Variants in FILIP1L observed in about 807,000 individuals in gnomAD.
The protein encoded by FILIP1L is filamin A-interacting protein 1-like.
Under a neutral mutation model 96.6 loss-of-function variants are expected in FILIP1L, and 55 were observed. The ratio of observed to expected loss-of-function variants is 0.57; its 90% confidence interval spans 0.46 to 0.71. The LOEUF (loss-of-function observed/expected upper bound fraction) is 0.71, where lower values mean the gene tolerates loss of function less well. Among genes scored for constraint, FILIP1L ranks in the 30% least tolerant of loss-of-function variants. FILIP1L has a pLI of 0.00. For synonymous variants in FILIP1L, 467 were observed against 473.9 expected (o/e 0.99, Z 0.19); for missense variants, 1,304 against 1,321.2 (o/e 0.99, Z 0.20).
intron 1 of FILIP1L, among the ~76,000 whole-genome samples, chr3:100,113,793 T>G (rs1437664832): frequency 2.6e-5 from 4 of 152,234 alleles, no homozygotes; most frequent in African/African-American, 9.6e-5. Context: ...ATTTAAAGTT[T>G]CATTTTGGTT....
chr3:100,010,538 A>G (rs930472780), intron 1 of FILIP1L, among the ~76,000 whole-genome samples: 1 of 152,046 alleles, frequency 6.6e-6, no homozygotes, highest in Non-Finnish European at 1.5e-5. Context: ...GTATTTGGTG[A>G]CAATCTGGCA....
chr3:99,863,375 C>CAG (rs1944355852), intron 4 of FILIP1L, among the ~76,000 whole-genome samples: 1 of 152,110 alleles, frequency 6.6e-6, no homozygotes. Flanking sequence ...GGTCTTCGGC[C>CAG]CTGGGGTTGG....
chr3:99,995,355 G>T (rs1156269788), intron 1 of FILIP1L, among the ~76,000 whole-genome samples: 1 of 152,160 alleles, frequency 6.6e-6, no homozygotes, highest in Admixed American at 6.5e-5. Context: ...TAAGAGGTGG[G>T]TTCCCATGGT....
chr3:100,104,825 G>T (rs780646027), intron 1 of FILIP1L, among the ~76,000 whole-genome samples: 2 of 152,116 alleles, frequency 1.3e-5, no homozygotes, highest in Non-Finnish European at 2.9e-5. Context: ...CCCAAAACTG[G>T]CTGAGAATCA....
At chr3:100,057,970 C>T (rs563920066) in intron 1 of FILIP1L, among the ~76,000 whole-genome samples, 5 of 152,174 alleles carry the variant, frequency 3.3e-5, no homozygotes, top group Non-Finnish European at 5.9e-5. Context: ...ATGAAAATAG[C>T]TAGTTATTAG....
chr3:99,916,725 G>C (rs1289567540), intron 4 of FILIP1L, among the ~76,000 whole-genome samples: 6 of 152,076 alleles, frequency 3.9e-5, no homozygotes, highest in Admixed American at 2.0e-4. Context: ...ATGCTTCATG[G>C]TCCATGCTCC....
chr3:100,013,956 T>C (rs1045370072), intron 1 of FILIP1L, among the ~76,000 whole-genome samples: 2 of 152,116 alleles, frequency 1.3e-5, no homozygotes, highest in African/African-American at 4.8e-5. Context: ...CATCTCCCCA[T>C]GTTCCTCTGT....
At chr3:99,922,892 A>T (rs937258620) in intron 4 of FILIP1L, among the ~76,000 whole-genome samples, 4 of 152,152 alleles carry the variant, frequency 2.6e-5, no homozygotes, top group Non-Finnish European at 5.9e-5. Context: ...TTTTTAAAGC[A>T]TTGCAATTTG....
intron 1 of FILIP1L, among the ~76,000 whole-genome samples, chr3:100,017,805 G>A (rs1038870681): frequency 2.6e-5 from 4 of 152,140 alleles, no homozygotes; most frequent in Non-Finnish European, 4.4e-5. Context: ...CCGACCTTCA[G>A]TGCTCCTGGT....
chr3:99,973,082 T>G lies in FILIP1L; in HGVS notation c.-10-42052A>C, dbSNP rs76110454. On this transcript the variant is annotated intron_variant, in intron 1 of 5. Coordinates refer to ENST00000477258, the MANE Select transcript of FILIP1L (RefSeq NM_001387850.1). Reference sequence around the variant, plus strand: ...AGAACTATAGGAACAATGGATGGAATGACAATTATTAAAAAAGATGAAGGG... The same window carrying G: ...AGAACTATAGGAACAATGGATGGAAGGACAATTATTAAAAAAGATGAAGGG... Among the ~76,000 whole-genome samples, 1,283 of 152,226 alleles carry G rather than the reference T, an allele frequency of 8.4e-3. 11 individuals carry two copies. Among genetic ancestry groups the G allele is most frequent in the Non-Finnish European group, 0.013 (881 of 67,998 alleles).
chr3:99,876,108 C>G lies in FILIP1L; in HGVS notation c.606-25038G>C, dbSNP rs186440206. On this transcript the variant is annotated intron_variant, in intron 4 of 5. Transcript: ENST00000477258. ...GCGCCGGGGCCGGGCGGGGGCCGGGCCGGGGCCGCTGTAGTGCCGCGCTGC... is the reference window on the plus strand; with the variant it reads ...GCGCCGGGGCCGGGCGGGGGCCGGGGCGGGGCCGCTGTAGTGCCGCGCTGC... 639 of 986,580 alleles carry G rather than the reference C, an allele frequency of 6.5e-4. 4 individuals carry two copies. The African/African-American group carries it at 0.01, about 16-fold the overall frequency. 61.1% of individuals were successfully genotyped at this position (986,580 alleles called of 1,614,324 possible).
chr3:99,997,200 C>G (rs2107151828), intron 1 of FILIP1L, among the ~76,000 whole-genome samples: 1 of 152,148 alleles, frequency 6.6e-6, no homozygotes, highest in East Asian at 1.9e-4. Context: ...AAAGGATAAA[C>G]AAAATGGATA....
At chr3:100,061,430 C>G (rs985190489) in intron 1 of FILIP1L, among the ~76,000 whole-genome samples, 1 of 152,140 alleles carries the variant, frequency 6.6e-6, no homozygotes, top group Middle Eastern at 3.2e-3. Context: ...CTTGGTTATT[C>G]CAGGGTGTTA....
At chr3:99,898,489 A>G (rs1255983071) in intron 4 of FILIP1L, 1 of 152,262 alleles carries the variant, frequency 6.6e-6, no homozygotes, top group Non-Finnish European at 1.5e-5. Flanking sequence ...TGTGCAAGTC[A>G]AGCGCGTTGG....
At chr3:100,092,223 A>G (rs945299774) in intron 1 of FILIP1L, among the ~76,000 whole-genome samples, 6 of 152,346 alleles carry the variant, frequency 3.9e-5, no homozygotes, top group African/African-American at 1.2e-4. Flanking sequence ...TAAATATTCT[A>G]TAACAGTATT....
chr3:100,042,980 C>T (rs929412435), intron 1 of FILIP1L, among the ~76,000 whole-genome samples: 5 of 152,226 alleles, frequency 3.3e-5, no homozygotes, highest in South Asian at 2.1e-4. Context: ...TGACTGCATT[C>T]GCAGAACAAG....
intron 1 of FILIP1L, among the ~76,000 whole-genome samples, chr3:100,021,056 C>T (rs1320249407): frequency 1.3e-5 from 2 of 152,200 alleles, no homozygotes; most frequent in African/African-American, 2.4e-5. Context: ...TGAGCCACCA[C>T]GCCTAGCCTA....
At chr3:99,953,578 A>C (rs1420951326) in intron 1 of FILIP1L, among the ~76,000 whole-genome samples, 1 of 152,224 alleles carries the variant, frequency 6.6e-6, no homozygotes, top group East Asian at 1.9e-4. Flanking sequence ...GCATTTTTAA[A>C]GAATTCAATA....
intron 4 of FILIP1L, among the ~76,000 whole-genome samples, chr3:99,915,316 C>G (rs1706918297): frequency 6.6e-6 from 1 of 152,198 alleles, no homozygotes; most frequent in African/African-American, 2.4e-5. Context: ...TATTTTACCT[C>G]TCCCATACTC....
Sources: allele counts gnomAD v4.1 joint callset (sites outside exome capture counted in the v4.1 genomes callset), GRCh38; gene constraint gnomAD v4.1.1; transcripts MANE v1.5; gene names NCBI Gene and HGNC (gene_info 2026-07-23, HGNC 2026-07-21).